RAB11FIP4: variants seen among roughly 807,000 people sequenced by gnomAD.
The protein encoded by RAB11FIP4 is rab11 family-interacting protein 4.
RAB11FIP4 carries 23 observed loss-of-function variants against 74.3 expected under a neutral mutation model. The ratio of observed to expected loss-of-function variants is 0.31; its 90% CI spans 0.22 to 0.44. RAB11FIP4 has a LOEUF of 0.44. RAB11FIP4 is among the 20% of genes least tolerant of loss of function. RAB11FIP4 has a pLI of 1.00. For synonymous variants in RAB11FIP4, 360 were observed against 359.9 expected (o/e 1.00, Z 0.00); for missense variants, 630 against 863.9 (o/e 0.73, Z 3.39).
intron 3 of RAB11FIP4, among the ~76,000 whole-genome samples, chr17:31,463,012 G>T (rs9899096): frequency 1.3e-5 from 2 of 152,106 alleles, no homozygotes; most frequent in African/African-American, 2.4e-5. Flanking sequence ...CCTTGATTGG[G>T]TTCTGATCAT....
chr17:31,426,573 GTTTTC>G (rs1267611618), intron 1 of RAB11FIP4, among the ~76,000 whole-genome samples: 1 of 144,212 alleles, frequency 6.9e-6, no homozygotes, highest in Non-Finnish European at 1.5e-5. Flanking sequence ...TTTCACACCT[GTTTTC>G]TTTTTTTTCT....
chr17:31,515,612 A>C (rs1310194410), intron 3 of RAB11FIP4, among the ~76,000 whole-genome samples: 1 of 151,970 alleles, frequency 6.6e-6, no homozygotes, highest in South Asian at 2.1e-4. Flanking sequence ...AGACTCCAGG[A>C]GGCTTTTCAC....
At chr17:31,440,552 C>G (rs775433721) in intron 3 of RAB11FIP4, among the ~76,000 whole-genome samples, 6 of 152,220 alleles carry the variant, frequency 3.9e-5, no homozygotes, top group Admixed American at 2.6e-4. Flanking sequence ...GTGGATCACC[C>G]GAGGTCAGGA....
chr17:31,431,765 C>T (rs745750834), intron 1 of RAB11FIP4, 48 bp from the exon 2 acceptor site: 24 of 816,242 alleles, frequency 2.9e-5, no homozygotes, highest in South Asian at 5.3e-5. Flanking sequence ...CCTGAGTCTT[C>T]GGGAGATCCT....
chr17:31,414,577 G>A (rs938156320), intron 1 of RAB11FIP4, among the ~76,000 whole-genome samples: 1 of 152,240 alleles, frequency 6.6e-6, no homozygotes, highest in African/African-American at 2.4e-5. Context: ...CACTCAGATG[G>A]ATGGAGGTGT....
At chr17:31,394,374 G>A (rs2070907312) in intron 1 of RAB11FIP4, among the ~76,000 whole-genome samples, 1 of 152,086 alleles carries the variant, frequency 6.6e-6, no homozygotes, top group African/African-American at 2.4e-5. Context: ...GGTTTAATAT[G>A]CAGACCTTTT....
chr17:31,503,682 G>A (rs901016836), intron 3 of RAB11FIP4, among the ~76,000 whole-genome samples: 3 of 149,722 alleles, frequency 2.0e-5, no homozygotes, highest in Non-Finnish European at 2.9e-5. Flanking sequence ...ATCCATTGCC[G>A]CTTGATCTGA....
At chr17:31,478,318 A>G (rs1420112176) in intron 3 of RAB11FIP4, among the ~76,000 whole-genome samples, 1 of 152,118 alleles carries the variant, frequency 6.6e-6, no homozygotes, top group Non-Finnish European at 1.5e-5. Context: ...TAAGATGAAC[A>G]TAACGTCTGC....
At chr17:31,445,550 ATATATATATATATATATATATATATATAT>A (rs1204279670) in intron 3 of RAB11FIP4, among the ~76,000 whole-genome samples, 428 of 11,246 alleles carry the variant, frequency 0.038, 19 homozygotes, top group South Asian at 0.054. Context: ...ATATATATAT[ATATATATATATATATATATATATATATAT>A]TTTTTTTTTT....
chr17:31,526,721 G>A (rs2072773068), intron 10 of RAB11FIP4: 1 of 152,366 alleles, frequency 6.6e-6, no homozygotes, highest in African/African-American at 2.4e-5. Flanking sequence ...CGAGGCAGGT[G>A]GATCACGAGG....
chr17:31,496,487 A>G (rs1446693675), intron 3 of RAB11FIP4, among the ~76,000 whole-genome samples: 1 of 152,212 alleles, frequency 6.6e-6, no homozygotes, highest in Non-Finnish European at 1.5e-5. Context: ...CTGGTGTTCC[A>G]AGGGCTTCTT....
At chr17:31,399,080 C>T (rs1484059126) in intron 1 of RAB11FIP4, among the ~76,000 whole-genome samples, 1 of 152,146 alleles carries the variant, frequency 6.6e-6, no homozygotes, top group African/African-American at 2.4e-5. Context: ...TCTGCCTCAG[C>T]CCTGGAGTGT....
Position 31,413,344 on chromosome 17 carries a change from A to AG in RAB11FIP4, c.160-18468dup, listed in dbSNP as rs1413362707. Reference sequence around the variant, plus strand: ...CTAAAGCCAACCAAAGCCCACAGCGAGCAGCGCCTTTCAAACTATGCTGAG... The same window carrying AG: ...CTAAAGCCAACCAAAGCCCACAGCGAGGCAGCGCCTTTCAAACTATGCTGAG... On this transcript the variant is annotated intron_variant, in intron 1 of 14. Transcript: ENST00000621161. Among the ~76,000 whole-genome samples the AG allele has an allele frequency of 3.3e-5, 5 of 152,096 alleles. No individual in the cohort carries two copies. In the East Asian group the frequency reaches 9.6e-4, roughly 29 times the overall value.
chr17:31,501,625 T>C (rs1028398172), intron 3 of RAB11FIP4: 3 of 152,300 alleles, frequency 2.0e-5, no homozygotes, highest in African/African-American at 4.8e-5. Flanking sequence ...GCCTTCCGGG[T>C]TCACGCCATT....
intron 3 of RAB11FIP4, among the ~76,000 whole-genome samples, chr17:31,442,147 C>T (rs979209878): frequency 5.3e-5 from 8 of 151,842 alleles, no homozygotes; most frequent in East Asian, 2.0e-4. Context: ...TACAGGTGCC[C>T]GCCACCACGC....
Position 31,528,389 on chromosome 17 carries a change from G to C in RAB11FIP4, c.1357-17G>C. 6.2e-7 allele frequency: 1 copy of C among 1,609,846 alleles called. No individual in the cohort carries two copies. The highest frequency in any genetic ancestry group is 8.5e-7 in the Non-Finnish European group (1 of 1,179,182). ...CTCTGGGAACTCTCCTCCCCTGATC[G>C]GGTCTCCCTGCTCCAGGAGCGGCAG... On this transcript the variant is annotated splice_polypyrimidine_tract_variant and intron_variant, in intron 11 of 14. Transcript: ENST00000621161.
intron 1 of RAB11FIP4, among the ~76,000 whole-genome samples, chr17:31,393,395 G>C (rs772206438): frequency 7.9e-5 from 12 of 152,210 alleles, no homozygotes; most frequent in Admixed American, 3.3e-4. Flanking sequence ...TCAGAACACA[G>C]ACTGCAGGTC....
intron 1 of RAB11FIP4, among the ~76,000 whole-genome samples, chr17:31,430,722 G>A (rs978961773): frequency 2.0e-5 from 3 of 152,076 alleles, no homozygotes; most frequent in African/African-American, 7.2e-5. Context: ...GCAGAGGAGT[G>A]GGTGACACGA....
At chr17:31,410,224 T>C (rs1317264944) in intron 1 of RAB11FIP4, among the ~76,000 whole-genome samples, 1 of 152,012 alleles carries the variant, frequency 6.6e-6, no homozygotes, top group Non-Finnish European at 1.5e-5. Context: ...CTGCGCTGGT[T>C]ATAGATTATT....
Sources: gnomAD v4.1 joint callset for allele counts (sites outside exome capture counted in the v4.1 genomes callset) on GRCh38, gnomAD v4.1.1 for gene constraint, MANE v1.5 for transcripts, NCBI Gene and HGNC (gene_info 2026-07-23, HGNC 2026-07-21) for gene names.